MALRD1: variants seen among roughly 807,000 people sequenced by gnomAD.
The protein encoded by MALRD1 is MAM and LDL-receptor class A domain-containing protein 1.
A neutral mutation model predicts 242.1 loss-of-function variants in MALRD1; 247 were observed. The ratio of observed to expected loss-of-function variants is 1.02; its 90% confidence interval spans 0.92 to 1.13. The LOEUF is 1.13. MALRD1 is among the 50% of genes most tolerant of loss of function. The probability of loss-of-function intolerance (pLI) is 0.00; values close to 1 mark genes in which losing one functional copy is unlikely to be tolerated. For synonymous variants in MALRD1, 995 were observed against 866.6 expected (o/e 1.15, Z -2.60); for missense variants, 2,989 against 2,533.1 (o/e 1.18, Z -3.86).
intron 36 of MALRD1, among the ~76,000 whole-genome samples, chr10:19,621,675 G>A (rs545966153): frequency 6.6e-6 from 1 of 151,802 alleles, no homozygotes; most frequent in South Asian, 2.1e-4. Context: ...TATAATTCAA[G>A]TAAACTTTTT....
At chr10:19,175,182 A>G in intron 13 of MALRD1, 26 bp from the exon 14 acceptor site, 3 of 1,222,536 alleles carry the variant, frequency 2.5e-6, no homozygotes, top group Non-Finnish European at 3.1e-6. Context: ...TGTGTTTTTA[A>G]CAGTTTTATC....
At chr10:19,530,431 TATATATA>T (rs1194863253) in intron 31 of MALRD1, among the ~76,000 whole-genome samples, 4,760 of 66,594 alleles carry the variant, frequency 0.071, 544 homozygotes, top group African/African-American at 0.21. Context: ...AAATATATAA[TATATATA>T]ATATATAATA....
At chr10:19,064,101 C>T (rs537052471) in intron 1 of MALRD1, among the ~76,000 whole-genome samples, 2 of 152,138 alleles carry the variant, frequency 1.3e-5, no homozygotes, top group Non-Finnish European at 2.9e-5. Context: ...TCCAAGCAAC[C>T]TTCCAATCCT....
chr10:19,572,601 C>A (rs569474941), intron 33 of MALRD1, among the ~76,000 whole-genome samples: 24 of 152,204 alleles, frequency 1.6e-4, no homozygotes, highest in African/African-American at 5.3e-4. Flanking sequence ...AGTATCTCCT[C>A]AAAAATCCAT....
intron 26 of MALRD1, among the ~76,000 whole-genome samples, chr10:19,385,568 A>G (rs1006417157): frequency 6.6e-6 from 1 of 152,184 alleles, no homozygotes; most frequent in African/African-American, 2.4e-5. Flanking sequence ...TTATGTGTCT[A>G]TGGAATCAGT....
At position 19,079,643 on chromosome 10, in the gene MALRD1, A is replaced by G. The variant is rs78034296; in HGVS notation, c.341-8197A>G. Among the ~76,000 whole-genome samples the G allele has an allele frequency of 8.5e-3, 1,289 of 152,022 alleles. 13 individuals are homozygous for G. Among genetic ancestry groups the G allele is most frequent in the African/African-American group, 0.027 (1,104 of 41,516 alleles). ...TCAATTATTTTAGCTTTTGCTTCAC[A>G]TATTTCAGGGCTCTGTTTTTACGTG... On this transcript the variant is annotated intron_variant, in intron 2 of 39. Transcript: ENST00000454679.
intron 29 of MALRD1, among the ~76,000 whole-genome samples, chr10:19,461,733 A>G (rs1317691468): frequency 6.6e-6 from 1 of 152,064 alleles, no homozygotes; most frequent in Non-Finnish European, 1.5e-5. Flanking sequence ...GGTCCCAGCT[A>G]CTTAGAAAGC....
intron 28 of MALRD1, among the ~76,000 whole-genome samples, chr10:19,399,365 T>A (rs1846727067): frequency 6.6e-6 from 1 of 152,236 alleles, no homozygotes; most frequent in South Asian, 2.1e-4. Context: ...TTGTAACAGT[T>A]TTCAGCACAT....
At chr10:19,689,653 G>A (rs1842741201) in intron 36 of MALRD1, among the ~76,000 whole-genome samples, 1 of 152,082 alleles carries the variant, frequency 6.6e-6, no homozygotes, top group Non-Finnish European at 1.5e-5. Flanking sequence ...ACAACGATAT[G>A]AAAATAATAC....
chr10:19,380,913 CTTT>C (rs71387072), intron 26 of MALRD1, among the ~76,000 whole-genome samples: 14 of 148,982 alleles, frequency 9.4e-5, no homozygotes, highest in African/African-American at 3.2e-4. Flanking sequence ...AATTTCTTTT[CTTT>C]TTTTTTTTAT....
At chr10:19,486,761 C>G (rs746121988) in intron 29 of MALRD1, among the ~76,000 whole-genome samples, 7 of 152,098 alleles carry the variant, frequency 4.6e-5, no homozygotes, top group Non-Finnish European at 8.8e-5. Flanking sequence ...ATGATTATAT[C>G]TGGTTCAGTG....
chr10:19,341,539 C>CAT (rs1284816521), intron 24 of MALRD1, among the ~76,000 whole-genome samples: 2 of 141,982 alleles, frequency 1.4e-5, no homozygotes, highest in East Asian at 2.0e-4. Flanking sequence ...TATATACACA[C>CAT]ATATATATAC....
At position 19,141,364 on chromosome 10, in the gene MALRD1, T is replaced by A. The variant is rs200121013; in HGVS notation, c.1411+4583T>A. Among the ~76,000 whole-genome samples, 5 of 152,114 alleles carry A rather than the reference T, an allele frequency of 3.3e-5. No homozygotes were observed. The South Asian group carries it at 8.3e-4, about 25-fold the overall frequency. On this transcript the variant is annotated intron_variant, in intron 10 of 39. Coordinates refer to ENST00000454679, the MANE Select transcript of MALRD1 (RefSeq NM_001142308.3). ...ATAGAGACAGATAGTAAAACGGTGG[T>A]TCCCAGGGTTTGAGGGGAGGGGAGA...
chr10:19,613,133 G>C (rs1297547190), intron 35 of MALRD1, among the ~76,000 whole-genome samples: 1 of 151,892 alleles, frequency 6.6e-6, no homozygotes, highest in Non-Finnish European at 1.5e-5. Flanking sequence ...TCAAAGACAA[G>C]GAGCATATCT....
chr10:19,160,018 A>G lies in MALRD1; in HGVS notation c.1656+4846A>G, dbSNP rs1834328891. On this transcript the variant is annotated intron_variant, in intron 12 of 39. Coordinates refer to ENST00000454679, the MANE Select transcript of MALRD1 (RefSeq NM_001142308.3). The stretch of plus-strand genomic sequence containing the variant: ...GTTTGTTGGAAACTTTTTTAACCAC[A>G]TGAAATTCTCTTGAATGCAGTGATT... Among the ~76,000 whole-genome samples, 7 of 152,220 alleles carry G rather than the reference A, an allele frequency of 4.6e-5. No homozygotes were observed. In the South Asian group the frequency reaches 1.0e-3, roughly 22 times the overall value.
intron 18 of MALRD1, among the ~76,000 whole-genome samples, chr10:19,253,579 C>A (rs1839386215): frequency 6.6e-6 from 1 of 151,888 alleles, no homozygotes. Flanking sequence ...CCTCTGTATA[C>A]ACATCTTTCA....
At chr10:19,505,643 G>A (rs1443350922) in intron 31 of MALRD1, among the ~76,000 whole-genome samples, 5 of 152,186 alleles carry the variant, frequency 3.3e-5, no homozygotes, top group East Asian at 3.9e-4. Flanking sequence ...TCTAAGAAAG[G>A]TTGTGAAGAA....
intron 24 of MALRD1, among the ~76,000 whole-genome samples, chr10:19,345,810 C>T (rs1844094672): frequency 6.6e-6 from 1 of 151,102 alleles, no homozygotes; most frequent in African/African-American, 2.4e-5. Flanking sequence ...ATTTTAAGCC[C>T]TTTTTCTTTA....
chr10:19,714,248 C>T (rs1246335883), intron 38 of MALRD1, among the ~76,000 whole-genome samples: 4 of 152,118 alleles, frequency 2.6e-5, no homozygotes, highest in East Asian at 1.9e-4. Context: ...TGGTAGCTCT[C>T]AGAAGACGGG....
Sources: gnomAD v4.1 joint callset for allele counts (sites outside exome capture counted in the v4.1 genomes callset) on GRCh38, gnomAD v4.1.1 for gene constraint, MANE v1.5 for transcripts, NCBI Gene and HGNC (gene_info 2026-07-23, HGNC 2026-07-21) for gene names.